The following DEPDC5 variants were observed in gnomAD, a reference collection of about 807,000 sequenced individuals.
The protein encoded by DEPDC5 is GATOR1 complex protein DEPDC5.
A neutral mutation model predicts 217.3 loss-of-function variants in DEPDC5; 73 were observed. That is an observed-to-expected ratio of 0.34 (90% CI 0.28 to 0.41). The LOEUF (loss-of-function observed/expected upper bound fraction) is 0.41. Ranked by LOEUF, DEPDC5 falls within the 10% of genes least tolerant of loss-of-function variation. The pLI is 1.00. For synonymous variants in DEPDC5, 733 were observed against 756.7 expected, an observed-to-expected ratio of 0.97 and a Z score of 0.51; for missense variants, 1,675 against 2,070.1, an observed-to-expected ratio of 0.81 and a Z score of 3.70.
intron 31 of DEPDC5, 141 bp downstream of exon 31, chr22:31,847,108 G>A (rs2091780893): frequency 1.7e-6 from 2 of 1,196,706 alleles, no homozygotes; most frequent in African/African-American, 3.1e-5. Flanking sequence ...GAAAAGGAAG[G>A]CTAATACCTG....
intron 24 of DEPDC5, among the ~76,000 whole-genome samples, chr22:31,826,648 T>G (rs895488933): frequency 1.6e-4 from 25 of 152,294 alleles, no homozygotes; most frequent in African/African-American, 5.5e-4. Context: ...TAGGCATGTT[T>G]CCGCACAGCT....
At chr22:31,823,401 T>C (rs2089880286) in intron 24 of DEPDC5, among the ~76,000 whole-genome samples, 1 of 151,978 alleles carries the variant, frequency 6.6e-6, no homozygotes, top group Admixed American at 6.6e-5. Context: ...GGCATGGTGA[T>C]GCACACCTGT....
At chr22:31,759,339 G>T (rs1018236966) in intron 3 of DEPDC5, among the ~76,000 whole-genome samples, 1 of 151,786 alleles carries the variant, frequency 6.6e-6, no homozygotes, top group Non-Finnish European at 1.5e-5. Context: ...ACAGGCATGA[G>T]CCACCATACC....
intron 29 of DEPDC5, 86 bp downstream of exon 29, chr22:31,843,898 C>T (rs879442006): frequency 4.4e-6 from 6 of 1,355,226 alleles, no homozygotes; most frequent in Non-Finnish European, 5.9e-6. Context: ...CCCTTTCTCT[C>T]TCTCTCCCTT....
At chr22:31,760,141 C>T (rs995395272) in intron 3 of DEPDC5, among the ~76,000 whole-genome samples, 22 of 151,416 alleles carry the variant, frequency 1.5e-4, no homozygotes, top group African/African-American at 5.4e-4. Context: ...AATCTTGGCT[C>T]ACTGCAAGCT....
intron 10 of DEPDC5, among the ~76,000 whole-genome samples, chr22:31,791,148 T>C (rs2085585487): frequency 6.6e-6 from 1 of 152,154 alleles, no homozygotes; most frequent in African/African-American, 2.4e-5. Context: ...CATTACTTAA[T>C]GCTGATTTGC....
intron 6 of DEPDC5, among the ~76,000 whole-genome samples, chr22:31,768,373 G>T (rs1360556917): frequency 6.6e-6 from 1 of 151,920 alleles, no homozygotes; most frequent in Non-Finnish European, 1.5e-5. Context: ...CAAATTATAG[G>T]TAGAATTTCC....
intron 37 of DEPDC5, among the ~76,000 whole-genome samples, chr22:31,876,705 C>G (rs188986187): frequency 6.6e-6 from 1 of 152,318 alleles, no homozygotes; most frequent in East Asian, 1.9e-4. Flanking sequence ...CTATCAAGTC[C>G]TAGCAAGTTT....
At position 31,874,333 on chromosome 22, in the gene DEPDC5, G is replaced by A. The variant is rs367828073; in HGVS notation, c.3624G>A (p.Ala1208=). 24 of 1,610,550 alleles carry A rather than the reference G, an allele frequency of 1.5e-5. No homozygotes were observed. Among genetic ancestry groups the A allele is most frequent in the African/African-American group, 1.2e-4 (9 of 74,840 alleles). ...TCTCACCGTACTGCTTCATCAGCGC[G>A]GAGGTGGTACACTGGTTGGTGAACC... ...KGLSPYCFIS[A]EVVHWLVNHV... The change falls in exon 36 of 43, where the codon GCG becomes GCA. Residue 1208 remains alanine (A), a synonymous_variant. Coordinates refer to ENST00000651528, the MANE Select transcript of DEPDC5 (RefSeq NM_001242896.3).
chr22:31,815,295 G>A (rs541922210), intron 21 of DEPDC5, 83 bp downstream of exon 21: 300 of 1,469,754 alleles, frequency 2.0e-4, no homozygotes, highest in Non-Finnish European at 2.8e-4. Flanking sequence ...TTGGTCAGAG[G>A]TGGGGTGTAA....
chr22:31,793,746 AT>A (rs1290236388), intron 12 of DEPDC5, among the ~76,000 whole-genome samples: 1 of 151,738 alleles, frequency 6.6e-6, no homozygotes, highest in African/African-American at 2.4e-5. Context: ...ATTTTTTTGT[AT>A]TTTTAGTAGA....
chr22:31,885,758 A>AGGC (rs1300070915), intron 38 of DEPDC5, among the ~76,000 whole-genome samples: 1 of 128,848 alleles, frequency 7.8e-6, no homozygotes, highest in African/African-American at 2.9e-5. Flanking sequence ...AGGGTTGGCC[A>AGGC]GGCACAGTGG....
intron 25 of DEPDC5, 112 bp downstream of exon 25, chr22:31,834,092 T>C: frequency 9.5e-7 from 1 of 1,049,780 alleles, no homozygotes; most frequent in South Asian, 1.3e-5. Context: ...GAGGTACACA[T>C]ACCTCTGGGG....
At chr22:31,784,248 CA>C in intron 9 of DEPDC5, 1 of 271,114 alleles carries the variant, frequency 3.7e-6, no homozygotes, top group Non-Finnish European at 6.9e-6. Flanking sequence ...AATTTGGCTT[CA>C]AAAAATAAAG....
At chr22:31,783,079 C>T (rs969886975) in intron 8 of DEPDC5, among the ~76,000 whole-genome samples, 1 of 152,088 alleles carries the variant, frequency 6.6e-6, no homozygotes. Flanking sequence ...TGTAAATGCA[C>T]CAATCAGCGC....
intron 33 of DEPDC5, among the ~76,000 whole-genome samples, chr22:31,869,748 C>A (rs1009892758): frequency 3.3e-5 from 5 of 152,102 alleles, no homozygotes; most frequent in African/African-American, 1.2e-4. Context: ...CAATGTTGTG[C>A]AGGACCCGTG....
intron 38 of DEPDC5, among the ~76,000 whole-genome samples, chr22:31,892,979 G>A (rs1419175715): frequency 6.6e-6 from 1 of 150,686 alleles, no homozygotes; most frequent in African/African-American, 2.4e-5. Flanking sequence ...AGGTTCGAGC[G>A]ATTCTCCTGC....
chr22:31,781,246 A>C (rs573890594), intron 8 of DEPDC5, among the ~76,000 whole-genome samples: 2 of 151,848 alleles, frequency 1.3e-5, no homozygotes, highest in Non-Finnish European at 2.9e-5. Flanking sequence ...AAAAAAAAAA[A>C]ACAAAGAATT....
chr22:31,834,571 C>T (rs1051310912), intron 25 of DEPDC5, among the ~76,000 whole-genome samples: 14 of 149,914 alleles, frequency 9.3e-5, no homozygotes, highest in African/African-American at 3.5e-4. Flanking sequence ...GGCTGGAGTG[C>T]AGTGACGTGA....
Sources: gnomAD v4.1 joint callset for allele counts (sites outside exome capture counted in the v4.1 genomes callset) on GRCh38, gnomAD v4.1.1 for gene constraint, MANE v1.5 for transcripts, NCBI Gene and HGNC (gene_info 2026-07-23, HGNC 2026-07-21) for gene names.